Variants in KIDINS220 observed in about 807,000 individuals in gnomAD.
KIDINS220 encodes kinase D interacting substrate 220, also known as kinase D-interacting substrate of 220 kDa.
A neutral mutation model predicts 157.6 loss-of-function variants in KIDINS220; 63 were observed. The observed-to-expected ratio is 0.40, with a 90% CI of 0.33 to 0.49. The LOEUF (loss-of-function observed/expected upper bound fraction) is 0.49, where lower values mean the gene tolerates loss of function less well. KIDINS220 is among the 20% of genes least tolerant of loss of function. The pLI is 0.66. For missense variants in KIDINS220, 1,772 were observed against 2,171.2 expected, an observed-to-expected ratio of 0.82 and a Z score of 3.65; for synonymous variants, 732 against 783.6, an observed-to-expected ratio of 0.93 and a Z score of 1.10.
rs773784452 is a variant in KIDINS220 at position 8,800,416 on chromosome 2, A to G, written c.884T>C (p.Ile295Thr). ...VRALLQKYAD[I>T]DIRGQDNKTA... Reference sequence around the variant, plus strand: ...CACACATACCTGTCCTCTAATGTCTATATCAGCATATTTTTGGAGAAGCGC... The same window carrying G: ...CACACATACCTGTCCTCTAATGTCTGTATCAGCATATTTTTGGAGAAGCGC... Residue 295 changes from isoleucine to threonine, a missense_variant, in exon 9 of 30, where the codon ATA becomes ACA. Ile to Thr is a moderately conservative substitution (Grantham distance 89, BLOSUM62 -1). This residue lies in a region of KIDINS220 where 725 missense variants were observed against 1,017.1 expected (regional missense o/e 0.71). Coordinates refer to ENST00000256707, the MANE Select transcript of KIDINS220 (RefSeq NM_020738.4). The G allele has an allele frequency of 6.8e-6, 11 of 1,612,068 alleles. No homozygotes were observed. Among genetic ancestry groups the G allele is most frequent in the South Asian group, 1.1e-5 (1 of 90,876 alleles).
At chr2:8,734,794 T>C (rs751136124) in intron 27 of KIDINS220, 41 bp from the exon 28 acceptor site, 14 of 1,403,056 alleles carry the variant, frequency 1.0e-5, no homozygotes, top group Non-Finnish European at 1.4e-5. Flanking sequence ...AAAGACAGAA[T>C]GTGAAATATT....
rs1005985781 is a variant in KIDINS220 at position 8,802,251 on chromosome 2, G to A, written c.801+679C>T. Among the ~76,000 whole-genome samples, 4 of 152,184 alleles carry A rather than the reference G, an allele frequency of 2.6e-5. No individual in the cohort carries two copies. In the East Asian group the frequency reaches 7.7e-4, roughly 29 times the overall value. On this transcript the variant is annotated intron_variant, in intron 8 of 29. Transcript: ENST00000256707. ...TGACTTTAAACAAAGAAGTACACACGAGATTTATTGTTTTAAAGATCACTC... is the reference window on the plus strand; with the variant it reads ...TGACTTTAAACAAAGAAGTACACACAAGATTTATTGTTTTAAAGATCACTC...
chr2:8,833,357 T>G (rs936503720), intron 1 of KIDINS220, among the ~76,000 whole-genome samples: 2 of 152,222 alleles, frequency 1.3e-5, no homozygotes, highest in African/African-American at 4.8e-5. Flanking sequence ...TGATCATTTC[T>G]TAACCACCCT....
intron 13 of KIDINS220, 38 bp downstream of exon 13, chr2:8,791,022 C>T: frequency 6.4e-7 from 1 of 1,558,362 alleles, no homozygotes; most frequent in Non-Finnish European, 8.7e-7. Flanking sequence ...GAAAACCTTG[C>T]TTTATATATA....
At chr2:8,781,584 A>C (rs1476757688) in intron 17 of KIDINS220, among the ~76,000 whole-genome samples, 2 of 152,232 alleles carry the variant, frequency 1.3e-5, no homozygotes, top group Non-Finnish European at 2.9e-5. Flanking sequence ...CCCTCAGTGG[A>C]ATTAAACTAG....
At chr2:8,769,062 GC>G (rs1175785669) in intron 22 of KIDINS220, among the ~76,000 whole-genome samples, 5 of 152,154 alleles carry the variant, frequency 3.3e-5, no homozygotes, top group African/African-American at 9.7e-5. Flanking sequence ...TAGATGGCAA[GC>G]CTGCCAAATG....
Position 8,778,987 on chromosome 2 carries a change from A to T in KIDINS220, c.2523T>A (p.Pro841=). Residue 841 remains proline, a synonymous_variant, in exon 19 of 30, where the codon CCT becomes CCA. Coordinates refer to ENST00000256707, the MANE Select transcript of KIDINS220 (RefSeq NM_020738.4). The part of the protein sequence containing the change: ...HDYMRNIVHL[P]VFLNSRGLSN... ...TTAGTCCACGACTATTAAGGAACACAGGCAAGTGGACTATGTTGCGCATGT... is the reference window on the plus strand; with the variant it reads ...TTAGTCCACGACTATTAAGGAACACTGGCAAGTGGACTATGTTGCGCATGT... 6.2e-7 allele frequency: 1 copy of T among 1,614,182 alleles called. No individual in the cohort carries two copies.
At chr2:8,751,396 CAAAT>C in intron 23 of KIDINS220, 66 bp downstream of exon 23, 2 of 1,339,078 alleles carry the variant, frequency 1.5e-6, no homozygotes, top group Non-Finnish European at 2.1e-6. Context: ...GAAATGTACA[CAAAT>C]AAGTTAGAAA....
intron 4 of KIDINS220, among the ~76,000 whole-genome samples, chr2:8,813,996 T>C (rs1676705383): frequency 6.6e-6 from 1 of 152,248 alleles, no homozygotes. Context: ...CACTTCTTTC[T>C]ATGAATTTAA....
intron 24 of KIDINS220, among the ~76,000 whole-genome samples, chr2:8,749,868 C>T (rs1667063522): frequency 1.3e-5 from 2 of 151,996 alleles, no homozygotes; most frequent in South Asian, 4.1e-4. Flanking sequence ...AGTCCATTTA[C>T]TTATCAAGAA....
At chr2:8,821,236 A>G (rs748871899) in intron 2 of KIDINS220, among the ~76,000 whole-genome samples, 19 of 152,010 alleles carry the variant, frequency 1.2e-4, no homozygotes, top group Non-Finnish European at 2.5e-4. Flanking sequence ...GCCTAGAAAC[A>G]TGCCAAATGA....
intron 26 of KIDINS220, among the ~76,000 whole-genome samples, chr2:8,739,962 T>G (rs1665403699): frequency 6.6e-6 from 1 of 152,232 alleles, no homozygotes; most frequent in South Asian, 2.1e-4. Context: ...CATTATCATC[T>G]TTGGTAAATT....
chr2:8,777,909 AG>A lies in KIDINS220; in HGVS notation c.2703+729del, dbSNP rs1558400510. Among the ~76,000 whole-genome samples the A allele has an allele frequency of 3.9e-5, 6 of 152,340 alleles. No individual in the cohort carries two copies. The South Asian group carries it at 1.2e-3, about 32-fold the overall frequency. Reference sequence around the variant, plus strand: ...ATTAACTTTGCATCCATATCTGTAAAGGGTAGAGGCATAAAATCAAAATGTC... The same window carrying A: ...ATTAACTTTGCATCCATATCTGTAAAGGTAGAGGCATAAAATCAAAATGTC... On this transcript the variant is annotated intron_variant, in intron 20 of 29. Coordinates refer to ENST00000256707, the MANE Select transcript of KIDINS220 (RefSeq NM_020738.4).
intron 27 of KIDINS220, 28 bp from the exon 28 acceptor site, chr2:8,734,781 T>C: frequency 2.0e-6 from 3 of 1,467,932 alleles, no homozygotes; most frequent in African/African-American, 2.8e-5. Flanking sequence ...CAATTATGGG[T>C]ATAAAGACAG....
intron 12 of KIDINS220, among the ~76,000 whole-genome samples, chr2:8,791,587 GAC>G (rs1673202483): frequency 6.6e-6 from 1 of 152,034 alleles, no homozygotes; most frequent in African/African-American, 2.4e-5. Flanking sequence ...TCACTTACAA[GAC>G]ACATTCCAAT....
chr2:8,816,564 T>C (rs890466029), intron 4 of KIDINS220, among the ~76,000 whole-genome samples: 2 of 152,226 alleles, frequency 1.3e-5, no homozygotes, highest in African/African-American at 4.8e-5. Flanking sequence ...AGGTGCTTTA[T>C]AGCCACTGTG....
chr2:8,797,248 C>G (rs1674099370), intron 10 of KIDINS220, among the ~76,000 whole-genome samples: 1 of 152,194 alleles, frequency 6.6e-6, no homozygotes, highest in South Asian at 2.1e-4. Context: ...AAGCCAGTGT[C>G]CAGAGTTTTT....
chr2:8,800,249 C>G, intron 9 of KIDINS220, 151 bp downstream of exon 9: 1 of 505,768 alleles, frequency 2.0e-6, no homozygotes. Context: ...ACAATAATGG[C>G]AGTGAAACTT....
At chr2:8,753,193 T>C (rs113754765) in intron 22 of KIDINS220, among the ~76,000 whole-genome samples, 5,048 of 151,804 alleles carry the variant, frequency 0.033, 294 homozygotes, top group African/African-American at 0.11. Context: ...AAATAAATAG[T>C]GGTATATCCA....
Sources: gnomAD v4.1 joint callset for allele counts (sites outside exome capture counted in the v4.1 genomes callset) on GRCh38, gnomAD v4.1.1 for gene constraint, gnomAD v4.1.1 regional missense constraint, MANE v1.5 for transcripts, NCBI Gene and HGNC (gene_info 2026-07-23, HGNC 2026-07-21) for gene names.